PKN2: variants seen among roughly 807,000 people sequenced by gnomAD.
PKN2 encodes protein kinase N2.
PKN2 carries 38 observed loss-of-function variants against 119.1 expected under a neutral mutation model. The ratio of observed to expected loss-of-function variants is 0.32; its 90% CI spans 0.25 to 0.42. PKN2 has a LOEUF of 0.42. Ranked by LOEUF, PKN2 falls within the 10% of genes least tolerant of loss-of-function variation. The probability of loss-of-function intolerance (pLI) is 1.00; values close to 1 mark genes in which losing one functional copy is unlikely to be tolerated. For synonymous variants in PKN2, 390 were observed against 384.9 expected (o/e 1.01, Z -0.15); for missense variants, 850 against 1,165.1 (o/e 0.73, Z 3.94).
At position 88,684,642 on chromosome 1, in the gene PKN2, C is replaced by T. The variant is rs772730120; in HGVS notation, c.48+14C>T. The T allele has an allele frequency of 3.9e-6, 6 of 1,531,790 alleles. No homozygotes were observed. Among genetic ancestry groups the T allele is most frequent in the Non-Finnish European group, 5.3e-6 (6 of 1,140,564 alleles). 94.9% of individuals were successfully genotyped at this position (1,531,790 alleles called of 1,614,324 possible). ...ACGGAACTGCAGGTAAGGGCCGCGG[C>T]CCTGGTGAGAGGCGCTGGCGGAGGA... On this transcript the variant is annotated intron_variant, in intron 1 of 21. Transcript: ENST00000370521.
chr1:88,821,072 A>G (rs184249265), intron 16 of PKN2, among the ~76,000 whole-genome samples: 7 of 152,322 alleles, frequency 4.6e-5, no homozygotes, highest in Admixed American at 3.9e-4. Context: ...CAACCTGTCA[A>G]ATGCCAAACT....
At chr1:88,688,736 A>C (rs1198512006) in intron 1 of PKN2, among the ~76,000 whole-genome samples, 2 of 152,180 alleles carry the variant, frequency 1.3e-5, no homozygotes, top group Non-Finnish European at 2.9e-5. Context: ...TACTCTGTAG[A>C]CTGTGCTTTG....
At chr1:88,766,575 G>A (rs1450453455) in intron 3 of PKN2, among the ~76,000 whole-genome samples, 1 of 152,142 alleles carries the variant, frequency 6.6e-6, no homozygotes, top group African/African-American at 2.4e-5. Context: ...TTACTTTAGT[G>A]TGTTAGGTTG....
rs1192997167 is a variant in PKN2, at chr1:88,834,026, G to A, written c.*578G>A. 1 of 151,782 alleles carries A rather than the reference G, an allele frequency of 6.6e-6. No individual in the cohort carries two copies. The highest frequency in any genetic ancestry group is 2.4e-5 in the African/African-American group (1 of 41,336). The allele number at this position is 151,782 out of a possible 1,614,324, so 9.4% of individuals were successfully genotyped here. ...TGAATTGATGTCTTATTTTATAAATGTTCTATATTTATTAGGAGAAAACTT... is the reference window on the plus strand; with the variant it reads ...TGAATTGATGTCTTATTTTATAAATATTCTATATTTATTAGGAGAAAACTT... On this transcript the variant is annotated 3_prime_UTR_variant, in exon 22 of 22. Coordinates refer to ENST00000370521, the MANE Select transcript of PKN2 (RefSeq NM_006256.4).
chr1:88,698,452 G>A (rs1666628883), intron 1 of PKN2, among the ~76,000 whole-genome samples: 1 of 152,188 alleles, frequency 6.6e-6, no homozygotes, highest in Non-Finnish European at 1.5e-5. Context: ...ATAAAAGCTA[G>A]CACATTAATG....
intron 16 of PKN2, 108 bp downstream of exon 16, chr1:88,813,841 T>A: frequency 3.4e-6 from 3 of 875,622 alleles, no homozygotes; most frequent in South Asian, 3.6e-5. Context: ...AGAAAATAGA[T>A]CTCTGCAAGA....
chr1:88,688,336 C>T (rs1281456250), intron 1 of PKN2, among the ~76,000 whole-genome samples: 3 of 152,122 alleles, frequency 2.0e-5, no homozygotes, highest in Non-Finnish European at 4.4e-5. Context: ...TCGCTTGCCT[C>T]GGCCTCCCAA....
At chr1:88,692,637 T>C (rs970369990) in intron 1 of PKN2, among the ~76,000 whole-genome samples, 1 of 152,234 alleles carries the variant, frequency 6.6e-6, no homozygotes, top group Admixed American at 6.5e-5. Context: ...CTTCTTTTTA[T>C]GTTTGTCGGC....
At position 88,786,097 on chromosome 1, in the gene PKN2, A is replaced by G; in HGVS notation, c.1172-7A>G. 6.4e-7 allele frequency: 1 copy of G among 1,560,540 alleles called. No homozygotes were observed. The highest frequency in any genetic ancestry group is 8.8e-7 in the Non-Finnish European group (1 of 1,135,120). On this transcript the variant is annotated splice_region_variant and splice_polypyrimidine_tract_variant and intron_variant, in intron 7 of 21. Coordinates refer to ENST00000370521, the MANE Select transcript of PKN2 (RefSeq NM_006256.4). ...TTTTTAAGCAAGTTTGTAAATTTTA[A>G]TTACAGATGATGTCTGTGCTGTTTT...
At chr1:88,756,217 C>T (rs1236478496) in intron 2 of PKN2, among the ~76,000 whole-genome samples, 1 of 152,076 alleles carries the variant, frequency 6.6e-6, no homozygotes, top group Non-Finnish European at 1.5e-5. Context: ...TATCTTAGTA[C>T]AACCTGCTGT....
chr1:88,689,603 G>C (rs985534370), intron 1 of PKN2, among the ~76,000 whole-genome samples: 4 of 152,174 alleles, frequency 2.6e-5, no homozygotes, highest in African/African-American at 9.7e-5. Context: ...CTGAGGTCAG[G>C]AGTTCGAGAC....
chr1:88,721,642 A>T (rs1398254038), intron 1 of PKN2, among the ~76,000 whole-genome samples: 1 of 152,206 alleles, frequency 6.6e-6, no homozygotes, highest in Non-Finnish European at 1.5e-5. Flanking sequence ...ATTTTGTATA[A>T]AGGAGGTATT....
At position 88,789,332 on chromosome 1, in the gene PKN2, C is replaced by G. The variant is rs1670711593; in HGVS notation, c.1281+3119C>G. Among the ~76,000 whole-genome samples, 3 of 152,028 alleles carry G rather than the reference C, an allele frequency of 2.0e-5. No individual in the cohort carries two copies. The South Asian group carries it at 6.2e-4, about 32-fold the overall frequency. ...AGTTACTGGTATGACAGTATGATGACAGGAGTGAAACGGCAAGGTAAGGCA... is the reference window on the plus strand; with the variant it reads ...AGTTACTGGTATGACAGTATGATGAGAGGAGTGAAACGGCAAGGTAAGGCA... On this transcript the variant is annotated intron_variant, in intron 8 of 21. Coordinates refer to ENST00000370521, the MANE Select transcript of PKN2 (RefSeq NM_006256.4).
chr1:88,805,529 A>G lies in PKN2; in HGVS notation c.1534A>G (p.Ile512Val), dbSNP rs775227507. 3 of 1,613,392 alleles carry G rather than the reference A, an allele frequency of 1.9e-6. No homozygotes were observed. Among genetic ancestry groups the G allele is most frequent in the African/African-American group, 2.7e-5 (2 of 74,994 alleles). ...KTFLRAPQMN[I>V]NIATWGRLVR... ...ATTTCTCAGAGCTCCTCAAATGAAT[A>G]TTAATATTGCCACTTGGGGAAGGCT... The change falls in exon 11 of 22, where the codon ATT becomes GTT. Residue 512 changes from isoleucine to valine, a missense_variant. Ile to Val is a conservative substitution (Grantham distance 29). This residue lies in a region of PKN2 where 216 missense variants were observed against 252.8 expected (regional missense o/e 0.85). Transcript: ENST00000370521.
chr1:88,776,940 C>T (rs1670132928), intron 6 of PKN2, among the ~76,000 whole-genome samples: 1 of 152,012 alleles, frequency 6.6e-6, no homozygotes, highest in Non-Finnish European at 1.5e-5. Context: ...TACTTAGATT[C>T]TTTGAGCTTG....
chr1:88,725,361 C>T (rs1257932808), intron 1 of PKN2, among the ~76,000 whole-genome samples: 2 of 152,130 alleles, frequency 1.3e-5, no homozygotes. Flanking sequence ...CCTTACATTC[C>T]ATACAGCAAT....
At chr1:88,832,180 T>C (rs970352492) in intron 19 of PKN2, among the ~76,000 whole-genome samples, 11 of 152,044 alleles carry the variant, frequency 7.2e-5, no homozygotes, top group African/African-American at 2.4e-4. Flanking sequence ...GATTGTGTTT[T>C]ACCACCATTA....
At chr1:88,766,949 T>G (rs1358723929) in intron 3 of PKN2, among the ~76,000 whole-genome samples, 1 of 152,216 alleles carries the variant, frequency 6.6e-6, no homozygotes, top group African/African-American at 2.4e-5. Flanking sequence ...CAAGTGCTGT[T>G]TCTTGCATGT....
intron 1 of PKN2, chr1:88,684,964 T>G: frequency 1.1e-5 from 3 of 263,360 alleles, no homozygotes; most frequent in Non-Finnish European, 2.2e-5. Context: ...GTGTCAGAGC[T>G]ACCCGCGAAC....
Sources: gnomAD v4.1 joint callset for allele counts (sites outside exome capture counted in the v4.1 genomes callset) on GRCh38, gnomAD v4.1.1 for gene constraint, gnomAD v4.1.1 regional missense constraint, MANE v1.5 for transcripts, NCBI Gene and HGNC (gene_info 2026-07-23, HGNC 2026-07-21) for gene names.